The following GNG7 variants were observed in gnomAD, a reference collection of about 807,000 sequenced individuals.
The protein encoded by GNG7 is G protein subunit gamma 7, also known as guanine nucleotide-binding protein G(I)/G(S)/G(O) subunit gamma-7.
Under a neutral mutation model 4.0 loss-of-function variants are expected in GNG7, and 1 was observed. The ratio of observed to expected loss-of-function variants is 0.25; its 90% CI spans 0.09 to 1.18. The LOEUF is 1.18. GNG7 is among the 50% of genes most tolerant of loss of function. The pLI, the probability that GNG7 is intolerant of heterozygous loss-of-function variation, is 0.50. For synonymous variants in GNG7, 34 were observed against 36.9 expected (o/e 0.92, Z 0.29); for missense variants, 86 against 91.9 (o/e 0.94, Z 0.26).
intron 2 of GNG7, among the ~76,000 whole-genome samples, chr19:2,575,316 C>T (rs1462802425): frequency 2.0e-5 from 3 of 152,198 alleles, no homozygotes; most frequent in Non-Finnish European, 4.4e-5. Context: ...TTCAAGCAAT[C>T]CTCCTGCCTC....
Position 2,696,069 on chromosome 19 carries a change from A to C in GNG7, c.-135+6577T>G, listed in dbSNP as rs149229429. On this transcript the variant is annotated intron_variant, in intron 1 of 4. Transcript: ENST00000382159. Reference sequence around the variant, plus strand: ...CTACTCGGGAGGCTGAGGCAGGAGAATCACTGGAACCTGGGAGGTGGAGGT... The same window carrying C: ...CTACTCGGGAGGCTGAGGCAGGAGACTCACTGGAACCTGGGAGGTGGAGGT... Among the ~76,000 whole-genome samples the C allele has an allele frequency of 4.6e-3, 693 of 151,532 alleles. 18 individuals carry two copies. In the East Asian group the frequency reaches 0.078, roughly 17 times the overall value.
At chr19:2,540,716 G>C (rs1978932719) in intron 3 of GNG7, among the ~76,000 whole-genome samples, 1 of 152,182 alleles carries the variant, frequency 6.6e-6, no homozygotes, top group Admixed American at 6.5e-5. Flanking sequence ...CCGGGCAGCG[G>C]GACAGACTGG....
chr19:2,633,694 G>C lies in GNG7; in HGVS notation c.-78+12530C>G, dbSNP rs544369041. ...AGAGGACATCGGTGGGCTTGAAAAC[G>C]GGTGTCTGTTTACCGGGGCTTGAGT... On this transcript the variant is annotated intron_variant, in intron 2 of 4. Coordinates refer to ENST00000382159, the MANE Select transcript of GNG7 (RefSeq NM_052847.3). This position sits in a 1 kb window ranked among gnomAD's most constrained non-coding sequence, Gnocchi z 5.9. 2.6e-5 allele frequency among the ~76,000 whole-genome samples: 4 copies of C among 152,086 alleles called. No individual in the cohort carries two copies. Among genetic ancestry groups the C allele is most frequent in the African/African-American group, 9.6e-5 (4 of 41,494 alleles).
rs5826778 is a variant in GNG7 at position 2,659,610 on chromosome 19, A to AAAAAAGAG, written c.-134-13331_-134-13330insCTCTTTTT. Among the ~76,000 whole-genome samples the AAAAAAGAG allele has an allele frequency of 5.3e-3, 642 of 121,370 alleles. 18 individuals carry two copies. The highest frequency in any genetic ancestry group is 0.02 in the African/African-American group (607 of 30,506). 79.6% of individuals were successfully genotyped at this position (121,370 alleles called of 152,430 possible). On this transcript the variant is annotated intron_variant, in intron 1 of 4. Coordinates refer to ENST00000382159, the MANE Select transcript of GNG7 (RefSeq NM_052847.3). ...TCCATCTTAAAAAAAAAAAAAAAAA[A>AAAAAAGAG]AGAGAGGAGGGGAGGGAAAGAGGGA...
chr19:2,629,602 C>CCTCACAGA (rs1367892627), intron 2 of GNG7, among the ~76,000 whole-genome samples: 6 of 152,174 alleles, frequency 3.9e-5, no homozygotes, highest in Admixed American at 1.3e-4. Flanking sequence ...GTGGACAAGA[C>CCTCACAGA]CTCACAGACT....
intron 2 of GNG7, among the ~76,000 whole-genome samples, chr19:2,637,440 G>A (rs1225862798): frequency 1.3e-5 from 2 of 152,076 alleles, no homozygotes; most frequent in Non-Finnish European, 2.9e-5. Context: ...CTCCCCGTCC[G>A]TCCTTGTAGG....
intron 2 of GNG7, among the ~76,000 whole-genome samples, chr19:2,567,131 A>AC: frequency 1.9e-5 from 1 of 53,216 alleles, no homozygotes; most frequent in Non-Finnish European, 3.8e-5. Context: ...AACAAAAAAA[A>AC]CAAAAAAAAA....
Position 2,665,925 on chromosome 19 carries a change from G to A in GNG7, c.-134-19645C>T, listed in dbSNP as rs28478941. On this transcript the variant is annotated intron_variant, in intron 1 of 4. Transcript: ENST00000382159. The stretch of plus-strand genomic sequence containing the variant: ...GCTCTGTCATCCAGGCTAGAGTGCA[G>A]TGGTGCGAACTTGGCTCACTGCCTC... 5.4e-3 allele frequency among the ~76,000 whole-genome samples: 815 copies of A among 152,266 alleles called. 5 individuals carry two copies. Among genetic ancestry groups the A allele is most frequent in the African/African-American group, 0.019 (770 of 41,534 alleles).
At position 2,621,123 on chromosome 19, in the gene GNG7, G is replaced by C. The variant is rs557787169; in HGVS notation, c.-78+25101C>G. On this transcript the variant is annotated intron_variant, in intron 2 of 4. Coordinates refer to ENST00000382159, the MANE Select transcript of GNG7 (RefSeq NM_052847.3). Reference sequence around the variant, plus strand: ...ACACCCCAGGAGCTTCCTGAGACCTGAGTAAAGCTCACTTCCCTTGCAAGG... The same window carrying C: ...ACACCCCAGGAGCTTCCTGAGACCTCAGTAAAGCTCACTTCCCTTGCAAGG... 1.1e-4 allele frequency among the ~76,000 whole-genome samples: 17 copies of C among 152,214 alleles called. No individual in the cohort carries two copies. In the South Asian group the frequency reaches 2.9e-3, roughly 26 times the overall value.
chr19:2,663,941 A>G (rs978319927), intron 1 of GNG7, among the ~76,000 whole-genome samples: 1 of 152,170 alleles, frequency 6.6e-6, no homozygotes, highest in Non-Finnish European at 1.5e-5. Flanking sequence ...CCAGGCCAGG[A>G]GCACCCCCAA....
Position 2,557,168 on chromosome 19 carries a change from A to G in GNG7, c.-77-1980T>C, listed in dbSNP as rs189688393. ...CGCACATGCACACAAAGACACGCGC[A>G]CACACGTACACACAAGACACGTGCA... On this transcript the variant is annotated intron_variant, in intron 2 of 4. Coordinates refer to ENST00000382159, the MANE Select transcript of GNG7 (RefSeq NM_052847.3). The surrounding 1 kb of genome is among the most constrained non-coding windows in gnomAD (Gnocchi z 5.1). Among the ~76,000 whole-genome samples, 872 of 151,594 alleles carry G rather than the reference A, an allele frequency of 5.8e-3. 8 individuals are homozygous for G. Among genetic ancestry groups the G allele is most frequent in the African/African-American group, 0.02 (816 of 41,396 alleles).
chr19:2,606,943 G>A (rs775331831), intron 2 of GNG7, among the ~76,000 whole-genome samples: 4 of 151,534 alleles, frequency 2.6e-5, no homozygotes, highest in South Asian at 4.2e-4. Flanking sequence ...AACAAGGGCC[G>A]GGCACCGTGG....
chr19:2,579,971 G>C lies in GNG7; in HGVS notation c.-77-24783C>G, dbSNP rs1317577123. 3.3e-5 allele frequency among the ~76,000 whole-genome samples: 5 copies of C among 152,142 alleles called. No individual in the cohort carries two copies. In the South Asian group the frequency reaches 1.0e-3, roughly 32 times the overall value. On this transcript the variant is annotated intron_variant, in intron 2 of 4. Transcript: ENST00000382159. ...TTCTGCCTCCTCCAGTTCTGGGGGC[G>C]CAGGTGTCTCTCAGCTTGTGTCCTC...
chr19:2,599,214 G>C (rs1001231581), intron 2 of GNG7, among the ~76,000 whole-genome samples: 1 of 152,034 alleles, frequency 6.6e-6, no homozygotes, highest in East Asian at 1.9e-4. Context: ...TTGCTGTCCC[G>C]GGCTGACCTC....
intron 1 of GNG7, among the ~76,000 whole-genome samples, chr19:2,699,418 A>T (rs957485233): frequency 6.6e-6 from 1 of 151,866 alleles, no homozygotes; most frequent in South Asian, 2.1e-4. Flanking sequence ...CAAAGTGCTG[A>T]GATTACAGGC....
intron 2 of GNG7, among the ~76,000 whole-genome samples, chr19:2,599,177 A>G (rs2144810217): frequency 6.6e-6 from 1 of 152,130 alleles, no homozygotes; most frequent in Non-Finnish European, 1.5e-5. Flanking sequence ...TGCTTTTTGA[A>G]CTGATCAGAG....
At chr19:2,581,195 C>A (rs1160227258) in intron 2 of GNG7, among the ~76,000 whole-genome samples, 4 of 152,038 alleles carry the variant, frequency 2.6e-5, no homozygotes, top group Non-Finnish European at 5.9e-5. Context: ...AGTGCCTTCG[C>A]CGCAGGCCCA....
At chr19:2,565,277 C>T (rs553442070) in intron 2 of GNG7, among the ~76,000 whole-genome samples, 292 of 152,020 alleles carry the variant, frequency 1.9e-3, no homozygotes, top group Middle Eastern at 3.4e-3. Flanking sequence ...TTTGGGAGGC[C>T]GAGGCGGGTG....
rs1439602966 is a variant in GNG7, at chr19:2,511,930, G to A, written c.*3092C>T. On this transcript the variant is annotated 3_prime_UTR_variant, in exon 5 of 5. Coordinates refer to ENST00000382159, the MANE Select transcript of GNG7 (RefSeq NM_052847.3). This position sits in a 1 kb window ranked among gnomAD's most constrained non-coding sequence, Gnocchi z 6.3. ...GGAGGCGGAGCTGGTCCGGGAAGGTGCCCAGGTGGGTCACAACAGGGTCGG... is the reference window on the plus strand; with the variant it reads ...GGAGGCGGAGCTGGTCCGGGAAGGTACCCAGGTGGGTCACAACAGGGTCGG... 2.5e-5 allele frequency: 25 copies of A among 986,160 alleles called. No individual in the cohort carries two copies. The highest frequency in any genetic ancestry group is 1.1e-4 in the East Asian group (1 of 8,812). 61.1% of individuals were successfully genotyped at this position (986,160 alleles called of 1,614,324 possible). A position where few individuals can be genotyped will look rare whatever the true frequency, so the allele number is the denominator to read the frequency against.
Sources: gnomAD v4.1 joint callset for allele counts (sites outside exome capture counted in the v4.1 genomes callset) on GRCh38, gnomAD v4.1.1 for gene constraint, Gnocchi (gnomAD v3.1) non-coding constraint, MANE v1.5 for transcripts, NCBI Gene and HGNC (gene_info 2026-07-23, HGNC 2026-07-21) for gene names.